Variants in MEIKIN observed in about 807,000 individuals in gnomAD.
MEIKIN encodes the protein meiotic kinetochore factor, also known as meiosis-specific kinetochore protein.
chr5:131,869,113 T>C (rs1750439869), intron 9 of MEIKIN, among the ~76,000 whole-genome samples: 1 of 152,242 alleles, frequency 6.6e-6, no homozygotes, highest in Admixed American at 6.5e-5. Context: ...CAGTTTTGCA[T>C]TTTACATTTA....
chr5:131,933,068 T>C (rs1435092407), intron 5 of MEIKIN, among the ~76,000 whole-genome samples: 1 of 152,238 alleles, frequency 6.6e-6, no homozygotes, highest in Non-Finnish European at 1.5e-5. Flanking sequence ...GTATTTGATC[T>C]GCCATCATTA....
intron 11 of MEIKIN, among the ~76,000 whole-genome samples, chr5:131,824,517 G>A (rs1749577042): frequency 6.6e-6 from 1 of 151,978 alleles, no homozygotes; most frequent in African/African-American, 2.4e-5. Flanking sequence ...GAGACATCCT[G>A]TCTTAAAACA....
intron 12 of MEIKIN, among the ~76,000 whole-genome samples, chr5:131,810,690 G>A (rs903026064): frequency 5.3e-5 from 8 of 152,194 alleles, no homozygotes; most frequent in Admixed American, 4.6e-4. Flanking sequence ...ACCATGCATT[G>A]AGAAAGCTTA....
At chr5:131,877,039 C>G (rs1750626411) in intron 9 of MEIKIN, among the ~76,000 whole-genome samples, 1 of 151,458 alleles carries the variant, frequency 6.6e-6, no homozygotes, top group Non-Finnish European at 1.5e-5. Context: ...GGAGATATAC[C>G]TAATGCTAAA....
chr5:131,853,490 G>A (rs554484614), intron 10 of MEIKIN, among the ~76,000 whole-genome samples: 1 of 152,156 alleles, frequency 6.6e-6, no homozygotes, highest in South Asian at 2.1e-4. Context: ...GAACAGGTGA[G>A]AAAAGAAAAA....
intron 11 of MEIKIN, among the ~76,000 whole-genome samples, chr5:131,826,313 T>C (rs1749607541): frequency 6.6e-6 from 1 of 152,030 alleles, no homozygotes; most frequent in Non-Finnish European, 1.5e-5. Context: ...TTTAAATATA[T>C]GTAATATAAA....
At position 131,816,486 on chromosome 5, in the gene MEIKIN, T is replaced by C. The variant is rs375635071; in HGVS notation, c.1099+2254A>G. 6.0e-4 allele frequency among the ~76,000 whole-genome samples: 92 copies of C among 152,336 alleles called. 4 individuals are homozygous for C. The South Asian group carries it at 0.018, about 30-fold the overall frequency. On this transcript the variant is annotated intron_variant, in intron 12 of 12. Coordinates refer to ENST00000442687, the MANE Select transcript of MEIKIN (RefSeq NM_001303622.2). ...AGAAATCTATCTGTAGACTGCATCA[T>C]TGGCTCCTGCCCAAGAGTTTCCAGC...
chr5:131,904,691 C>T (rs926537083), intron 8 of MEIKIN, among the ~76,000 whole-genome samples: 5 of 152,116 alleles, frequency 3.3e-5, no homozygotes, highest in Non-Finnish European at 7.3e-5. Flanking sequence ...CACATGCACA[C>T]GTATGCTTAT....
intron 12 of MEIKIN, among the ~76,000 whole-genome samples, chr5:131,812,181 C>T (rs148705578): frequency 2.6e-4 from 40 of 152,186 alleles, no homozygotes; most frequent in East Asian, 9.6e-4. Flanking sequence ...CTTTGTTAAA[C>T]GCATCATTAT....
chr5:131,934,839 C>T (rs764780760), intron 4 of MEIKIN, among the ~76,000 whole-genome samples: 4 of 151,550 alleles, frequency 2.6e-5, no homozygotes, highest in South Asian at 2.1e-4. Flanking sequence ...AGGCAGATCA[C>T]GAGGTCAAGA....
chr5:131,924,882 C>T (rs1580909746), intron 5 of MEIKIN, among the ~76,000 whole-genome samples: 3 of 152,104 alleles, frequency 2.0e-5, no homozygotes, highest in South Asian at 2.1e-4. Context: ...AGCATATCCA[C>T]GAAATCACTG....
intron 5 of MEIKIN, among the ~76,000 whole-genome samples, chr5:131,929,567 T>C (rs1180160327): frequency 1.3e-5 from 2 of 152,156 alleles, no homozygotes; most frequent in South Asian, 2.1e-4. Flanking sequence ...GGGGTACAGA[T>C]GCACATTTGT....
chr5:131,844,327 A>T (rs1749972649), intron 11 of MEIKIN, among the ~76,000 whole-genome samples: 3 of 152,186 alleles, frequency 2.0e-5, no homozygotes, highest in Non-Finnish European at 4.4e-5. Flanking sequence ...ATATGAAACA[A>T]CAGTTTTCAA....
rs1238238504 is a variant in MEIKIN at position 131,824,348 on chromosome 5, T to TA, written c.976-5486dup. 5.9e-3 allele frequency among the ~76,000 whole-genome samples: 829 copies of TA among 140,514 alleles called. 6 individuals carry two copies. Among genetic ancestry groups the TA allele is most frequent in the African/African-American group, 0.016 (619 of 38,398 alleles). 92.2% of individuals were successfully genotyped at this position (140,514 alleles called of 152,430 possible). On this transcript the variant is annotated intron_variant, in intron 11 of 12. Coordinates refer to ENST00000442687, the MANE Select transcript of MEIKIN (RefSeq NM_001303622.2). ...TAGGCAGCATAGTGAGACCTGGCTC[T>TA]AAAAAAAAAAAAAATAGAAAACTTA...
At chr5:131,811,241 T>C (rs1772946578) in intron 12 of MEIKIN, among the ~76,000 whole-genome samples, 1 of 152,240 alleles carries the variant, frequency 6.6e-6, no homozygotes, top group Non-Finnish European at 1.5e-5. Context: ...TGTTGCATAC[T>C]TAAGTCCAGA....
At position 131,889,506 on chromosome 5, in the gene MEIKIN, C is replaced by T. The variant is rs979232810; in HGVS notation, c.704-10458G>A. On this transcript the variant is annotated intron_variant, in intron 8 of 12. Transcript: ENST00000442687. Reference sequence around the variant, plus strand: ...TGGGAGTTCACTCATGATTTGGCTCCCTGTTTCTCTGTTATTGGTGTATAA... The same window carrying T: ...TGGGAGTTCACTCATGATTTGGCTCTCTGTTTCTCTGTTATTGGTGTATAA... Among the ~76,000 whole-genome samples the T allele has an allele frequency of 7.2e-5, 11 of 151,914 alleles. 1 individual carries two copies. The highest frequency in any genetic ancestry group is 4.2e-4 in the South Asian group (2 of 4,810).
intron 8 of MEIKIN, among the ~76,000 whole-genome samples, chr5:131,904,201 G>A (rs537719998): frequency 1.5e-3 from 222 of 152,254 alleles, no homozygotes; most frequent in Non-Finnish European, 2.4e-3. Context: ...AAGAGATTTA[G>A]AAAACCACAG....
intron 9 of MEIKIN, among the ~76,000 whole-genome samples, chr5:131,856,191 C>T (rs1750189857): frequency 6.6e-6 from 1 of 152,116 alleles, no homozygotes; most frequent in South Asian, 2.1e-4. Context: ...TTTCGCATTT[C>T]AACAATGAAG....
At chr5:131,814,975 T>C (rs1477742084) in intron 12 of MEIKIN, among the ~76,000 whole-genome samples, 3 of 152,222 alleles carry the variant, frequency 2.0e-5, no homozygotes, top group Non-Finnish European at 4.4e-5. Context: ...CAGTCAGCTT[T>C]GTAGTTGATT....
Sources: gnomAD v4.1 joint callset for allele counts (sites outside exome capture counted in the v4.1 genomes callset) on GRCh38, gnomAD v4.1.1 for gene constraint, MANE v1.5 for transcripts, NCBI Gene and HGNC (gene_info 2026-07-23, HGNC 2026-07-21) for gene names.